Variants in EPHA6 observed in about 807,000 individuals in gnomAD.
The protein encoded by EPHA6 is ephrin type-A receptor 6.
Under a neutral mutation model 112.0 loss-of-function variants are expected in EPHA6, and 50 were observed. The ratio of observed to expected loss-of-function variants is 0.45; its 90% CI spans 0.36 to 0.56. EPHA6 has a LOEUF of 0.56. Among genes scored for constraint, EPHA6 ranks in the 20% least tolerant of loss-of-function variants. EPHA6 has a pLI of 0.00. For missense variants in EPHA6, 1,280 were observed against 1,417.4 expected (o/e 0.90, Z 1.56); for synonymous variants, 529 against 490.7 (o/e 1.08, Z -1.03).
chr3:97,306,724 C>T (rs896666839), intron 5 of EPHA6, among the ~76,000 whole-genome samples: 8 of 151,698 alleles, frequency 5.3e-5, no homozygotes, highest in African/African-American at 7.3e-5. Context: ...ATTCAAATAT[C>T]GCATGCTAGG....
rs1472997462 is a variant in EPHA6 at position 97,719,103 on chromosome 3, C to G, written c.2785-1158C>G. Among the ~76,000 whole-genome samples the G allele has an allele frequency of 2.3e-5, 3 of 128,792 alleles. 1 individual carries two copies. In the Admixed American group the frequency reaches 2.4e-4, roughly 10 times the overall value. 84.5% of individuals were successfully genotyped at this position (128,792 alleles called of 152,430 possible). ...CGCCCCCCCCACCCCCCCCCCCACC[C>G]CCCCCGCCGCGGTAAGTAGTGTTTA... On this transcript the variant is annotated intron_variant, in intron 14 of 17. Coordinates refer to ENST00000389672, the MANE Select transcript of EPHA6 (RefSeq NM_001080448.3).
chr3:97,065,573 G>C (rs2046151822), intron 3 of EPHA6, among the ~76,000 whole-genome samples: 1 of 151,976 alleles, frequency 6.6e-6, no homozygotes, highest in South Asian at 2.1e-4. Context: ...CTGAAAACTT[G>C]TAAGACTCGA....
At chr3:97,534,028 G>A (rs1461056415) in intron 11 of EPHA6, among the ~76,000 whole-genome samples, 2 of 152,108 alleles carry the variant, frequency 1.3e-5, no homozygotes, top group African/African-American at 2.4e-5. Context: ...GTTTCAGATG[G>A]TTTGTTGCAC....
intron 3 of EPHA6, among the ~76,000 whole-genome samples, chr3:96,991,537 G>A (rs1054517027): frequency 2.0e-5 from 3 of 152,134 alleles, no homozygotes; most frequent in African/African-American, 7.2e-5. Context: ...TGTAAAATGA[G>A]TATCCGAGGA....
chr3:97,244,433 T>A, intron 5 of EPHA6, 146 bp downstream of exon 5: 1 of 662,660 alleles, frequency 1.5e-6, no homozygotes. Flanking sequence ...TTGTTCTTGT[T>A]CTTTCCTAAA....
intron 13 of EPHA6, among the ~76,000 whole-genome samples, chr3:97,632,832 CT>C (rs994584845): frequency 3.3e-5 from 5 of 152,062 alleles, no homozygotes; most frequent in Non-Finnish European, 7.4e-5. Context: ...GCACTTTATT[CT>C]GTCATTGAAA....
chr3:97,422,522 T>C (rs181274286), intron 6 of EPHA6, among the ~76,000 whole-genome samples: 1 of 152,282 alleles, frequency 6.6e-6, no homozygotes, highest in East Asian at 1.9e-4. Flanking sequence ...AGTATTAGAC[T>C]GATCATTGAA....
intron 2 of EPHA6, among the ~76,000 whole-genome samples, chr3:96,966,940 G>A (rs2042142810): frequency 6.6e-6 from 1 of 151,712 alleles, no homozygotes; most frequent in Non-Finnish European, 1.5e-5. Context: ...CTTGCCTGTG[G>A]GAACCATATT....
intron 15 of EPHA6, among the ~76,000 whole-genome samples, chr3:97,721,220 G>A (rs951589100): frequency 1.3e-5 from 2 of 152,082 alleles, no homozygotes; most frequent in Admixed American, 6.6e-5. Flanking sequence ...CAAAGGCTAC[G>A]TAACTATAGA....
intron 3 of EPHA6, among the ~76,000 whole-genome samples, chr3:97,070,679 A>G (rs139274711): frequency 1.3e-5 from 2 of 152,246 alleles, no homozygotes; most frequent in African/African-American, 2.4e-5. Flanking sequence ...AGCACCTTGT[A>G]TATGTGCAAA....
intron 5 of EPHA6, among the ~76,000 whole-genome samples, chr3:97,325,892 C>T (rs1233081776): frequency 6.6e-6 from 1 of 151,984 alleles, no homozygotes; most frequent in Non-Finnish European, 1.5e-5. Flanking sequence ...CTAGGAATCT[C>T]CTATTTTCTA....
At chr3:97,738,027 A>C (rs982994662) in intron 16 of EPHA6, among the ~76,000 whole-genome samples, 6 of 152,086 alleles carry the variant, frequency 3.9e-5, no homozygotes, top group Admixed American at 3.9e-4. Context: ...TCTCCACTGG[A>C]TTCAGCAAGC....
chr3:97,071,608 A>T (rs1457429317), intron 3 of EPHA6, among the ~76,000 whole-genome samples: 1 of 152,076 alleles, frequency 6.6e-6, no homozygotes, highest in Admixed American at 6.6e-5. Flanking sequence ...AGCATGAGAA[A>T]GACTGGCCCC....
chr3:97,473,065 G>C (rs2091272833), intron 7 of EPHA6, among the ~76,000 whole-genome samples: 1 of 151,704 alleles, frequency 6.6e-6, no homozygotes, highest in Admixed American at 6.6e-5. Context: ...AATAATGACT[G>C]TTGTTCTTGT....
chr3:97,407,074 T>C (rs2087397154), intron 6 of EPHA6, among the ~76,000 whole-genome samples: 1 of 152,124 alleles, frequency 6.6e-6, no homozygotes, highest in African/African-American at 2.4e-5. Flanking sequence ...TTATACCTGA[T>C]ATGTTTGAGG....
At chr3:97,445,220 G>A (rs1475312152) in intron 6 of EPHA6, among the ~76,000 whole-genome samples, 3 of 151,996 alleles carry the variant, frequency 2.0e-5, no homozygotes, top group Admixed American at 6.6e-5. Context: ...GTGCTCATCC[G>A]AGGAGAGGTC....
intron 1 of EPHA6, among the ~76,000 whole-genome samples, chr3:96,832,076 G>C (rs1222446907): frequency 6.6e-6 from 1 of 152,012 alleles, no homozygotes; most frequent in Non-Finnish European, 1.5e-5. Flanking sequence ...GACGCTATGT[G>C]GGAAAAGTAA....
chr3:97,396,264 A>G (rs1396543809), intron 5 of EPHA6, among the ~76,000 whole-genome samples: 1 of 149,950 alleles, frequency 6.7e-6, no homozygotes, highest in Non-Finnish European at 1.5e-5. Flanking sequence ...GCACGCATGC[A>G]CACACACACA....
chr3:96,905,018 A>G (rs879898555), intron 2 of EPHA6, among the ~76,000 whole-genome samples: 17 of 152,132 alleles, frequency 1.1e-4, no homozygotes, highest in Non-Finnish European at 2.2e-4. Flanking sequence ...TGGTAGCCAT[A>G]TATTCTTTAC....
Sources: allele counts gnomAD v4.1 joint callset (sites outside exome capture counted in the v4.1 genomes callset), GRCh38; gene constraint gnomAD v4.1.1; transcripts MANE v1.5; gene names NCBI Gene and HGNC (gene_info 2026-07-23, HGNC 2026-07-21).